ANKRD30A: variants seen among roughly 807,000 people sequenced by gnomAD.
ANKRD30A encodes ankyrin repeat domain 30A, also known as ankyrin repeat domain-containing protein 30A.
Under a neutral mutation model 166.3 loss-of-function variants are expected in ANKRD30A, and 170 were observed. The ratio of observed to expected loss-of-function variants is 1.02; its 90% CI spans 0.90 to 1.16. The LOEUF is 1.16. Ranked by LOEUF, ANKRD30A falls within the 50% of genes most tolerant of loss-of-function variation. The pLI is 0.00. For missense variants in ANKRD30A, 1,630 were observed against 1,518.0 expected, an observed-to-expected ratio of 1.07 and a Z score of -1.23; for synonymous variants, 564 against 508.9, an observed-to-expected ratio of 1.11 and a Z score of -1.46.
chr10:37,179,356 A>ATTTTTTGCAAAAATCATATAT (rs1317340838), intron 24 of ANKRD30A, among the ~76,000 whole-genome samples: 1 of 150,214 alleles, frequency 6.7e-6, no homozygotes, highest in Non-Finnish European at 1.5e-5. Context: ...AATTTAAATG[A>ATTTTTTGCAAAAATCATATAT]AATACATCAA....
chr10:37,225,438 G>A (rs992817759), intron 34 of ANKRD30A, among the ~76,000 whole-genome samples: 2 of 151,672 alleles, frequency 1.3e-5, no homozygotes, highest in Admixed American at 6.6e-5. Flanking sequence ...GAAGTTAAAG[G>A]AATGTTAAAA....
the ANKRD30A span, chr10:37,248,343 C>T: frequency 8.8e-6 from 3 of 342,188 alleles, no homozygotes; most frequent in African/African-American, 6.4e-5. Context: ...TGAAAGAGAA[C>T]ACTTGAAAAT....
chr10:37,158,375 T>G lies in ANKRD30A; in HGVS notation c.1799-17T>G. The stretch of plus-strand genomic sequence containing the variant: ...AGGCTTGCATATAATCAATTATGTA[T>G]GTCCCTTTTCTTATAGAGTCTCCTA... On this transcript the variant is annotated splice_polypyrimidine_tract_variant and intron_variant, in intron 13 of 35. Transcript: ENST00000361713. The G allele has an allele frequency of 6.2e-7, 1 of 1,605,518 alleles. No individual in the cohort carries two copies. The highest frequency in any genetic ancestry group is 1.1e-5 in the South Asian group (1 of 90,578).
chr10:37,133,881 C>T (rs542882469), intron 4 of ANKRD30A, 35 bp from the exon 5 acceptor site: 9 of 1,609,314 alleles, frequency 5.6e-6, no homozygotes, highest in Admixed American at 5.0e-5. Flanking sequence ...ATTGGTTCTG[C>T]TCATAATAAT....
chr10:37,147,610 G>A (rs1360462682), intron 9 of ANKRD30A, among the ~76,000 whole-genome samples, 153 bp downstream of exon 9: 1 of 152,108 alleles, frequency 6.6e-6, no homozygotes, highest in African/African-American at 2.4e-5. Flanking sequence ...ATCTTTTCAG[G>A]TGTTGGCAAC....
At chr10:37,191,102 G>C (rs1238572783) in intron 25 of ANKRD30A, among the ~76,000 whole-genome samples, 1 of 151,690 alleles carries the variant, frequency 6.6e-6, no homozygotes, top group African/African-American at 2.4e-5. Flanking sequence ...ATATTTAAAA[G>C]TCTGTTGCAA....
the ANKRD30A span, among the ~76,000 whole-genome samples, chr10:37,244,888 AG>A: frequency 6.6e-6 from 1 of 152,158 alleles, no homozygotes; most frequent in Non-Finnish European, 1.5e-5. Context: ...CATTGTCTCC[AG>A]GCCCCAACTC....
the ANKRD30A span, among the ~76,000 whole-genome samples, chr10:37,252,324 A>C: frequency 1.4e-3 from 215 of 152,336 alleles, no homozygotes; most frequent in African/African-American, 4.8e-3. Context: ...TGAATTAAGC[A>C]ACTAGGCCTT....
chr10:37,246,705 G>A, the ANKRD30A span, among the ~76,000 whole-genome samples: 601 of 152,282 alleles, frequency 3.9e-3, 1 homozygote, highest in Non-Finnish European at 7.0e-3. Context: ...TCAGAAATGA[G>A]TGGAAGATAT....
intron 35 of ANKRD30A, among the ~76,000 whole-genome samples, chr10:37,232,057 T>C (rs1843433454): frequency 6.6e-6 from 1 of 152,032 alleles, no homozygotes; most frequent in Non-Finnish European, 1.5e-5. Context: ...CTTCTAATGT[T>C]TTCCTGTACC....
intron 12 of ANKRD30A, among the ~76,000 whole-genome samples, chr10:37,152,387 T>A (rs1264516477): frequency 2.0e-5 from 3 of 152,122 alleles, no homozygotes; most frequent in Non-Finnish European, 4.4e-5. Flanking sequence ...GAAATTCACA[T>A]GGGATCTGAA....
the ANKRD30A span, among the ~76,000 whole-genome samples, chr10:37,260,444 C>G: frequency 9.2e-5 from 14 of 152,146 alleles, no homozygotes; most frequent in Non-Finnish European, 1.9e-4. Context: ...TAGTGTAACT[C>G]TTACCTTACC....
In ANKRD30A at chr10:37,129,878, C is replaced by T; in HGVS notation, c.222-15C>T. 1 of 1,443,490 alleles carries T rather than the reference C, an allele frequency of 6.9e-7. No individual in the cohort carries two copies. Among genetic ancestry groups the T allele is most frequent in the South Asian group, 1.7e-5 (1 of 59,692 alleles). 89.4% of individuals were successfully genotyped at this position (1,443,490 alleles called of 1,614,324 possible). On this transcript the variant is annotated splice_polypyrimidine_tract_variant and intron_variant, in intron 1 of 35. Coordinates refer to ENST00000361713, the MANE Select transcript of ANKRD30A (RefSeq NM_052997.3). Reference sequence around the variant, plus strand: ...GTGGACTAAACTTTGCCAAAAAGTCCTCTCACTCTCGTAGGACTGCTCTAC... The same window carrying T: ...GTGGACTAAACTTTGCCAAAAAGTCTTCTCACTCTCGTAGGACTGCTCTAC...
intron 17 of ANKRD30A, 39 bp downstream of exon 17, chr10:37,162,887 C>T: frequency 6.3e-7 from 1 of 1,590,744 alleles, no homozygotes; most frequent in Non-Finnish European, 8.6e-7. Flanking sequence ...ACCAATATTT[C>T]AATATTGGAC....
the ANKRD30A span, among the ~76,000 whole-genome samples, chr10:37,247,435 C>T: frequency 7.2e-5 from 11 of 151,928 alleles, no homozygotes; most frequent in African/African-American, 2.7e-4. Flanking sequence ...ATTTTATTTT[C>T]TTTTTTTGGA....
downstream of ANKRD30A, among the ~76,000 whole-genome samples, chr10:37,236,655 A>C (rs2132775999): frequency 6.6e-6 from 1 of 152,324 alleles, no homozygotes; most frequent in African/African-American, 2.4e-5. Flanking sequence ...GCATGGGTTT[A>C]AGTTTTCCTT....
intron 11 of ANKRD30A, among the ~76,000 whole-genome samples, chr10:37,150,339 C>T (rs910233309): frequency 3.0e-4 from 45 of 151,474 alleles, no homozygotes; most frequent in African/African-American, 1.0e-3. Flanking sequence ...TGTGTGTCTG[C>T]GTGTGTTCCT....
chr10:37,248,620 G>A, the ANKRD30A span, among the ~76,000 whole-genome samples: 3 of 152,040 alleles, frequency 2.0e-5, no homozygotes, highest in African/African-American at 7.2e-5. Flanking sequence ...ATTGTTGCTA[G>A]GTTTGTCATT....
chr10:37,147,281 A>G (rs1361487817), intron 8 of ANKRD30A, 89 bp from the exon 9 acceptor site: 1 of 1,064,510 alleles, frequency 9.4e-7, no homozygotes, highest in Non-Finnish European at 1.4e-6. Context: ...CTTTGAAGTC[A>G]GAAATTGAGT....
Sources: gnomAD v4.1 joint callset for allele counts (sites outside exome capture counted in the v4.1 genomes callset) on GRCh38, gnomAD v4.1.1 for gene constraint, MANE v1.5 for transcripts, NCBI Gene and HGNC (gene_info 2026-07-23, HGNC 2026-07-21) for gene names.